Variants in TLN2 observed in about 807,000 individuals in gnomAD.
TLN2 encodes the protein talin 2, also known as talin-2.
TLN2 carries 118 observed loss-of-function variants against 294.7 expected under a neutral mutation model. The observed-to-expected ratio is 0.40, with a 90% CI of 0.34 to 0.47. TLN2 has a LOEUF of 0.47. Ranked by LOEUF, TLN2 falls within the 20% of genes least tolerant of loss-of-function variation. The pLI, the probability that TLN2 is intolerant of heterozygous loss-of-function variation, is 0.84. For synonymous variants in TLN2, 1,431 were observed against 1,304.5 expected, an observed-to-expected ratio of 1.10 and a Z score of -2.09; for missense variants, 3,083 against 3,282.2, an observed-to-expected ratio of 0.94 and a Z score of 1.48.
chr15:62,565,571 G>T (rs1010915447), intron 1 of TLN2, among the ~76,000 whole-genome samples: 1 of 152,150 alleles, frequency 6.6e-6, no homozygotes, highest in African/African-American at 2.4e-5. Flanking sequence ...TCCTTACGTA[G>T]CCCAGTGTTC....
Position 62,547,557 on chromosome 15 carries a change from C to G in TLN2, c.-237-42130C>G, listed in dbSNP as rs535172447. Among the ~76,000 whole-genome samples, 4 of 152,268 alleles carry G rather than the reference C, an allele frequency of 2.6e-5. No homozygotes were observed. In the South Asian group the frequency reaches 8.3e-4, roughly 32 times the overall value. On this transcript the variant is annotated intron_variant, in intron 1 of 58. Transcript: ENST00000636159. ...CAGAGTGCTCCGAAGGTATCTGGAGCTACAGGTATGAAAGGGGATATAAAA... is the reference window on the plus strand; with the variant it reads ...CAGAGTGCTCCGAAGGTATCTGGAGGTACAGGTATGAAAGGGGATATAAAA...
chr15:62,688,933 G>T (rs141926856), intron 12 of TLN2, among the ~76,000 whole-genome samples: 4 of 151,854 alleles, frequency 2.6e-5, no homozygotes, highest in African/African-American at 9.7e-5. Flanking sequence ...AATTAGTTGG[G>T]TTATATTTTT....
chr15:62,784,631 A>G (rs1188401247), intron 45 of TLN2: 2 of 152,286 alleles, frequency 1.3e-5, no homozygotes, highest in African/African-American at 4.8e-5. Flanking sequence ...CATCTATATC[A>G]GTGTGAACAC....
At chr15:62,543,413 C>T (rs1328634771) in intron 1 of TLN2, among the ~76,000 whole-genome samples, 1 of 152,154 alleles carries the variant, frequency 6.6e-6, no homozygotes, top group East Asian at 1.9e-4. Context: ...CCTTTTAGGG[C>T]TTATTGACTA....
intron 1 of TLN2, among the ~76,000 whole-genome samples, chr15:62,564,033 A>T (rs1183996670): frequency 2.6e-5 from 4 of 152,180 alleles, no homozygotes; most frequent in African/African-American, 4.8e-5. Context: ...TTATTTGATA[A>T]GGGGCATTTT....
At chr15:62,687,131 T>C (rs2057351153) in intron 12 of TLN2, among the ~76,000 whole-genome samples, 1 of 152,236 alleles carries the variant, frequency 6.6e-6, no homozygotes, top group Admixed American at 6.5e-5. Context: ...GGAAACTTTC[T>C]AGTGCTCTGA....
chr15:62,574,530 A>G (rs1316676865), intron 1 of TLN2, among the ~76,000 whole-genome samples: 2 of 131,450 alleles, frequency 1.5e-5, no homozygotes, highest in African/African-American at 5.7e-5. Context: ...ACAGTGAGCT[A>G]TATCGCACCA....
At chr15:62,628,646 C>T (rs746349225) in intron 3 of TLN2, among the ~76,000 whole-genome samples, 8 of 152,178 alleles carry the variant, frequency 5.3e-5, no homozygotes, top group Non-Finnish European at 1.0e-4. Context: ...GTGTACAAAG[C>T]ATGGAAAGAC....
intron 2 of TLN2, among the ~76,000 whole-genome samples, chr15:62,606,264 G>A (rs1026667280): frequency 2.5e-5 from 2 of 81,490 alleles, no homozygotes; most frequent in African/African-American, 1.0e-4. Context: ...TTTTTTTTTT[G>A]TATTTTTAGT....
At chr15:62,780,640 C>T (rs1261006199) in intron 43 of TLN2, among the ~76,000 whole-genome samples, 2 of 152,154 alleles carry the variant, frequency 1.3e-5, no homozygotes, top group African/African-American at 2.4e-5. Flanking sequence ...GCTTCTAATT[C>T]CTTCTATTCC....
At chr15:62,757,834 C>T (rs1163324979) in intron 37 of TLN2, among the ~76,000 whole-genome samples, 3 of 152,084 alleles carry the variant, frequency 2.0e-5, no homozygotes, top group Admixed American at 6.5e-5. Context: ...TGGAAATGGG[C>T]CTGGTTTTTC....
intron 1 of TLN2, among the ~76,000 whole-genome samples, chr15:62,503,872 C>T (rs2039440158): frequency 6.6e-6 from 1 of 152,184 alleles, no homozygotes; most frequent in Admixed American, 6.5e-5. Flanking sequence ...TTTTCTCTCT[C>T]CTGCCAGCCT....
Position 62,722,360 on chromosome 15 carries a change from G to A in TLN2, c.2999G>A (p.Ser1000Asn), listed in dbSNP as rs2060200498. ...ISSQNFLQPG[S>N]KMVSSAKAAV... The stretch of plus-strand genomic sequence containing the variant: ...CTTTTCATCTCTCTATAGCCTGGAA[G>A]CAAGATGGTGTCCTCTGCCAAAGCC... Residue 1000 changes from serine to asparagine, a missense_variant, in exon 26 of 59, where the codon AGC becomes AAC. Ser to Asn is a conservative substitution (Grantham distance 46). Coordinates refer to ENST00000636159, the MANE Select transcript of TLN2 (RefSeq NM_015059.3). 2 of 1,609,098 alleles carry A rather than the reference G, an allele frequency of 1.2e-6. No homozygotes were observed. Among genetic ancestry groups the A allele is most frequent in the Non-Finnish European group, 1.7e-6 (2 of 1,176,292 alleles).
At chr15:62,697,917 C>T in intron 15 of TLN2, 49 bp downstream of exon 15, 1 of 1,588,738 alleles carries the variant, frequency 6.3e-7, no homozygotes, top group Non-Finnish European at 8.6e-7. Context: ...CTGCCTCCCG[C>T]ATGCAGGGTG....
rs138332679 is a variant in TLN2 at position 62,569,088 on chromosome 15, C to T, written c.-237-20599C>T. ...CCTTCCTCGTCTTGTGTCTGTGTCACGCCGCACTCTGCCTCTGTCTTCATA... is the reference window on the plus strand; with the variant it reads ...CCTTCCTCGTCTTGTGTCTGTGTCATGCCGCACTCTGCCTCTGTCTTCATA... On this transcript the variant is annotated intron_variant, in intron 1 of 58. Transcript: ENST00000636159. Among the ~76,000 whole-genome samples, 15 of 152,284 alleles carry T rather than the reference C, an allele frequency of 9.9e-5. No individual in the cohort carries two copies. In the East Asian group the frequency reaches 1.9e-3, roughly 20 times the overall value.
chr15:62,702,686 CTACTTCCTG>C (rs1314392683), intron 18 of TLN2, 71 bp from the exon 19 acceptor site: 4 of 1,411,038 alleles, frequency 2.8e-6, no homozygotes, highest in Non-Finnish European at 3.0e-6. Context: ...CTGTGAGATT[CTACTTCCTG>C]TACTTCCATG....
At chr15:62,727,051 C>T in intron 27 of TLN2, 36 bp from the exon 28 acceptor site, 1 of 1,602,460 alleles carries the variant, frequency 6.2e-7, no homozygotes, top group East Asian at 2.2e-5. Context: ...TGTTCCTTTT[C>T]TTCTACGTTC....
intron 1 of TLN2, among the ~76,000 whole-genome samples, chr15:62,402,692 G>A (rs2033117190): frequency 6.6e-6 from 1 of 152,110 alleles, no homozygotes; most frequent in African/African-American, 2.4e-5. Context: ...GACACTTTCA[G>A]GTCCACTATG....
chr15:62,748,105 G>A (rs1053105425), intron 32 of TLN2, among the ~76,000 whole-genome samples: 8 of 152,016 alleles, frequency 5.3e-5, no homozygotes, highest in African/African-American at 1.7e-4. Flanking sequence ...GTTGTTCAAA[G>A]GTCAACTGTA....
Sources: allele counts gnomAD v4.1 joint callset (sites outside exome capture counted in the v4.1 genomes callset), GRCh38; gene constraint gnomAD v4.1.1; transcripts MANE v1.5; gene names NCBI Gene and HGNC (gene_info 2026-07-23, HGNC 2026-07-21).